Variants in UEVLD observed in about 807,000 individuals in gnomAD.
UEVLD encodes the protein UEV and lactate/malate dehyrogenase domains, also known as ubiquitin-conjugating enzyme E2 variant 3.
In UEVLD, 47 loss-of-function variants were observed where a neutral mutation model predicts 58.6. The observed-to-expected ratio is 0.80, with a 90% CI of 0.63 to 1.02. UEVLD has a LOEUF of 1.02. Ranked by LOEUF, UEVLD falls within the 50% of genes least tolerant of loss-of-function variation. The pLI is 0.00. For synonymous variants in UEVLD, 197 were observed against 195.3 expected (o/e 1.01, Z -0.07); for missense variants, 510 against 550.6 (o/e 0.93, Z 0.74).
At chr11:18,537,324 A>ATTTTTTTTTTTTTTTTTTTTTTTTTT in intron 9 of UEVLD, among the ~76,000 whole-genome samples, 1 of 131,572 alleles carries the variant, frequency 7.6e-6, no homozygotes, top group Non-Finnish European at 1.6e-5. Context: ...ATATATATAT[A>ATTTTTTTTTTTTTTTTTTTTTTTTTT]TTTTTTTTTT....
At chr11:18,567,022 CTTG>C (rs1311341155) in intron 4 of UEVLD, among the ~76,000 whole-genome samples, 2 of 152,164 alleles carry the variant, frequency 1.3e-5, no homozygotes, top group South Asian at 4.1e-4. Context: ...ATCACATTTG[CTTG>C]TTTAGTCTTT....
Position 18,578,825 on chromosome 11 carries a change from A to T in UEVLD, c.43-17T>A. 6.5e-7 allele frequency: 1 copy of T among 1,533,726 alleles called. No homozygotes were observed. Among genetic ancestry groups the T allele is most frequent in the Non-Finnish European group, 8.9e-7 (1 of 1,126,942 alleles). On this transcript the variant is annotated splice_polypyrimidine_tract_variant and intron_variant, in intron 1 of 11. Coordinates refer to ENST00000396197, the MANE Select transcript of UEVLD (RefSeq NM_001040697.4). ...GAACTTGTACTGAAAAGAGAAAAATAAGCATGGAGTAAGAATAAAGCTGTA... is the reference window on the plus strand; with the variant it reads ...GAACTTGTACTGAAAAGAGAAAAATTAGCATGGAGTAAGAATAAAGCTGTA...
In UEVLD at chr11:18,570,200, C is replaced by T. The variant is rs1290459985; in HGVS notation, c.357+14G>A. ...AAAAAAAAGCTTTCTGTAGAAAATC[C>T]AAATTGATCTTACATGGCTCCAGTT... On this transcript the variant is annotated intron_variant, in intron 4 of 11. Transcript: ENST00000396197. The T allele has an allele frequency of 6.4e-7, 1 of 1,560,566 alleles. No individual in the cohort carries two copies. Among genetic ancestry groups the T allele is most frequent in the Non-Finnish European group, 8.6e-7 (1 of 1,161,556 alleles).
chr11:18,560,090 TACACACACACACAC>T (rs71050609), intron 6 of UEVLD, among the ~76,000 whole-genome samples: 53 of 76,182 alleles, frequency 7.0e-4, no homozygotes, highest in Middle Eastern at 6.7e-3. Flanking sequence ...ACCCCGTCTC[TACACACACACACAC>T]ACACACACAC....
At chr11:18,575,521 T>C (rs528425908) in intron 2 of UEVLD, 109 bp from the exon 3 acceptor site, 1 of 970,438 alleles carries the variant, frequency 1.0e-6, no homozygotes, top group African/African-American at 1.6e-5. Context: ...CACACACAAA[T>C]ACACACACAA....
At chr11:18,542,890 C>CTT (rs890676886) in intron 9 of UEVLD, among the ~76,000 whole-genome samples, 1 of 125,898 alleles carries the variant, frequency 7.9e-6, no homozygotes, top group Non-Finnish European at 1.6e-5. Context: ...CTTTTCTTTT[C>CTT]TTTTTTTTTT....
At chr11:18,565,551 A>G (rs1373142580) in intron 5 of UEVLD, among the ~76,000 whole-genome samples, 1 of 152,240 alleles carries the variant, frequency 6.6e-6, no homozygotes, top group African/African-American at 2.4e-5. Context: ...AAACCTGGCC[A>G]GGCCCGGTGG....
intron 1 of UEVLD, among the ~76,000 whole-genome samples, chr11:18,579,014 C>G (rs1853092212): frequency 1.3e-5 from 2 of 151,978 alleles, no homozygotes; most frequent in Non-Finnish European, 2.9e-5. Context: ...ATTACAGGCG[C>G]ACGCCACCAC....
At chr11:18,580,931 G>A (rs1853206502) in intron 1 of UEVLD, among the ~76,000 whole-genome samples, 1 of 152,118 alleles carries the variant, frequency 6.6e-6, no homozygotes, top group African/African-American at 2.4e-5. Flanking sequence ...GGGAGGCTAA[G>A]GTGGGTGGAT....
At chr11:18,580,243 C>T (rs61884723) in intron 1 of UEVLD, among the ~76,000 whole-genome samples, 16,984 of 152,080 alleles carry the variant, frequency 0.11, 1,223 homozygotes, top group East Asian at 0.24. Context: ...CTCACACATA[C>T]ACCACTGCCA....
Position 18,558,210 on chromosome 11 carries a change from T to C in UEVLD, c.715+18A>G. On this transcript the variant is annotated intron_variant, in intron 7 of 11. Transcript: ENST00000396197. Reference sequence around the variant, plus strand: ...GAAGATCTAATAAGGCATACATCTTTAAGCAGAATAAACAGACCTTTGCTG... The same window carrying C: ...GAAGATCTAATAAGGCATACATCTTCAAGCAGAATAAACAGACCTTTGCTG... 6.3e-7 allele frequency: 1 copy of C among 1,589,882 alleles called. No homozygotes were observed. The highest frequency in any genetic ancestry group is 8.6e-7 in the Non-Finnish European group (1 of 1,164,524).
At chr11:18,537,324 A>ATATT (rs1160942409) in intron 9 of UEVLD, among the ~76,000 whole-genome samples, 59 of 131,560 alleles carry the variant, frequency 4.5e-4, no homozygotes, top group Middle Eastern at 7.9e-3. Context: ...ATATATATAT[A>ATATT]TTTTTTTTTT....
At chr11:18,547,209 G>C (rs1851339473) in intron 7 of UEVLD, among the ~76,000 whole-genome samples, 159 bp from the exon 8 acceptor site, 1 of 152,142 alleles carries the variant, frequency 6.6e-6, no homozygotes, top group Admixed American at 6.6e-5. Context: ...AAATGCGGAG[G>C]TTTGCCTCCA....
chr11:18,567,345 G>A (rs1311949805), intron 4 of UEVLD, among the ~76,000 whole-genome samples: 1 of 152,164 alleles, frequency 6.6e-6, no homozygotes, highest in African/African-American at 2.4e-5. Flanking sequence ...ACTATACGCC[G>A]TGAGTGTAAA....
chr11:18,584,427 A>G (rs923110571), intron 1 of UEVLD, among the ~76,000 whole-genome samples: 8 of 152,036 alleles, frequency 5.3e-5, no homozygotes, highest in Non-Finnish European at 1.5e-5. Context: ...AATAATAAGT[A>G]CTGGTGAATT....
At chr11:18,537,657 A>ATATTAT (rs35960383) in intron 9 of UEVLD, among the ~76,000 whole-genome samples, 18 of 150,248 alleles carry the variant, frequency 1.2e-4, no homozygotes, top group East Asian at 5.9e-4. Flanking sequence ...TCACACTTTA[A>ATATTAT]TATTATTATT....
intron 9 of UEVLD, among the ~76,000 whole-genome samples, chr11:18,538,673 C>T (rs1447553535): frequency 6.6e-6 from 1 of 151,874 alleles, no homozygotes; most frequent in East Asian, 1.9e-4. Flanking sequence ...TACAAAACCT[C>T]TCGCATGATT....
chr11:18,575,420 A>G lies in UEVLD; in HGVS notation c.128-8T>C. ...GAGAACTATCTTTAAAAACTAGAAG[A>G]AAAAAAAAAAAGCCCCAAAATGTGC... On this transcript the variant is annotated splice_polypyrimidine_tract_variant and splice_region_variant and intron_variant, in intron 2 of 11. Transcript: ENST00000396197. 1 of 592,216 alleles carries G rather than the reference A, an allele frequency of 1.7e-6. No individual in the cohort carries two copies. Among genetic ancestry groups the G allele is most frequent in the Non-Finnish European group, 2.3e-6 (1 of 430,994 alleles). 36.7% of individuals were successfully genotyped at this position (592,216 alleles called of 1,614,324 possible). A position where few individuals can be genotyped will look rare whatever the true frequency, so the allele number is the denominator to read the frequency against.
intron 4 of UEVLD, among the ~76,000 whole-genome samples, chr11:18,567,413 T>G (rs1852353590): frequency 6.6e-6 from 1 of 152,234 alleles, no homozygotes; most frequent in East Asian, 1.9e-4. Flanking sequence ...TAAAAAGTGC[T>G]TAATTTCTCA....
Sources: gnomAD v4.1 joint callset for allele counts (sites outside exome capture counted in the v4.1 genomes callset) on GRCh38, gnomAD v4.1.1 for gene constraint, MANE v1.5 for transcripts, NCBI Gene and HGNC (gene_info 2026-07-23, HGNC 2026-07-21) for gene names.